PCDHA5: variants seen among roughly 807,000 people sequenced by gnomAD.
The protein encoded by PCDHA5 is protocadherin alpha-5.
In PCDHA5, 43 loss-of-function variants were observed where a neutral mutation model predicts 61.6. The ratio of observed to expected loss-of-function variants is 0.70; its 90% CI spans 0.55 to 0.90. PCDHA5 has a LOEUF of 0.90. PCDHA5 is among the 40% of genes least tolerant of loss of function. The pLI is 0.00. For synonymous variants in PCDHA5, 627 were observed against 543.9 expected (o/e 1.15, Z -2.13); for missense variants, 1,298 against 1,222.7 (o/e 1.06, Z -0.92).
chr5:140,875,793 G>A (rs2055816565), intron 1 of PCDHA5: 1 of 1,614,100 alleles, frequency 6.2e-7, no homozygotes, highest in Non-Finnish European at 8.5e-7. Flanking sequence ...TCCACCTGGA[G>A]GTGATCGTGG....
chr5:140,882,149 G>A (rs2058970957), intron 1 of PCDHA5: 2 of 1,501,900 alleles, frequency 1.3e-6, no homozygotes, highest in Middle Eastern at 4.3e-4. Flanking sequence ...ATAGCAGAAA[G>A]CGGAATACCT....
At chr5:140,923,362 T>C (rs1294539314) in intron 1 of PCDHA5, among the ~76,000 whole-genome samples, 1 of 152,136 alleles carries the variant, frequency 6.6e-6, no homozygotes, top group East Asian at 1.9e-4. Context: ...CCTATCTTTA[T>C]AAAATATTTT....
intron 1 of PCDHA5, among the ~76,000 whole-genome samples, chr5:140,972,152 A>T (rs1481801555): frequency 6.6e-6 from 1 of 151,770 alleles, no homozygotes; most frequent in African/African-American, 2.4e-5. Context: ...TTTTATTTTT[A>T]TTTTTTTGAG....
At chr5:140,882,558 G>C (rs782792864) in intron 1 of PCDHA5, 3 of 1,614,130 alleles carry the variant, frequency 1.9e-6, no homozygotes, top group African/African-American at 1.3e-5. Flanking sequence ...GAGCTGTGTG[G>C]GCGGAGCGCG....
intron 3 of PCDHA5, among the ~76,000 whole-genome samples, chr5:141,005,519 C>T (rs1374058521): frequency 1.3e-5 from 2 of 151,140 alleles, no homozygotes; most frequent in Middle Eastern, 3.2e-3. Context: ...CTGGCTAACA[C>T]GGTGAAACCC....
At chr5:140,854,631 G>T (rs373536386) in intron 1 of PCDHA5, 1 of 149,874 alleles carries the variant, frequency 6.7e-6, no homozygotes, top group African/African-American at 2.4e-5. Context: ...CTTTAGAAAA[G>T]TCAAAACATC....
rs2150128153 is a variant in PCDHA5 at position 140,823,675 on chromosome 5, C to G, written c.1900C>G (p.Arg634Gly). Residue 634 changes from arginine (R) to glycine (G), a missense_variant, in exon 1 of 4, where the codon CGC becomes GGC. Transcript: ENST00000529859. The stretch of plus-strand genomic sequence containing the variant: ...GTACACAGGCGAGATCAGCACAACA[C>G]GCTCTCTGGATGAGACCGAAGCACC... ...GLYTGEISTT[R>G]SLDETEAPRH... 3.1e-6 allele frequency: 5 copies of G among 1,614,056 alleles called. No homozygotes were observed. The highest frequency in any genetic ancestry group is 4.2e-6 in the Non-Finnish European group (5 of 1,179,958).
chr5:140,939,090 A>C (rs1563171940), intron 1 of PCDHA5, among the ~76,000 whole-genome samples: 1 of 152,192 alleles, frequency 6.6e-6, no homozygotes, highest in Non-Finnish European at 1.5e-5. Flanking sequence ...GGGTGGCTTA[A>C]AAACAATAGA....
chr5:140,849,946 C>T (rs2041246534), intron 1 of PCDHA5: 5 of 1,597,770 alleles, frequency 3.1e-6, no homozygotes, highest in East Asian at 2.2e-5. Flanking sequence ...GACGCTGACG[C>T]GCAGGAGAAC....
At chr5:140,845,692 G>A (rs1440776749) in intron 1 of PCDHA5, among the ~76,000 whole-genome samples, 1 of 149,364 alleles carries the variant, frequency 6.7e-6, no homozygotes, top group Non-Finnish European at 1.5e-5. Flanking sequence ...TTGTTATTCA[G>A]TTCCTTGGCA....
chr5:140,907,563 A>G (rs1554193054), intron 1 of PCDHA5, among the ~76,000 whole-genome samples: 1 of 152,160 alleles, frequency 6.6e-6, no homozygotes, highest in Admixed American at 6.5e-5. Context: ...AATATAATCA[A>G]CTTGCCACCA....
At chr5:140,920,794 A>G (rs1433275588) in intron 1 of PCDHA5, among the ~76,000 whole-genome samples, 2 of 151,776 alleles carry the variant, frequency 1.3e-5, no homozygotes, top group Admixed American at 6.6e-5. Flanking sequence ...CAGGGAACCA[A>G]GATCACGCCA....
At chr5:140,853,805 C>A in intron 1 of PCDHA5, 1 of 986,730 alleles carries the variant, frequency 1.0e-6, no homozygotes, top group Non-Finnish European at 1.2e-6. Flanking sequence ...TTTTAAAGCA[C>A]ACCTGAGATG....
At chr5:140,927,639 G>T in intron 1 of PCDHA5, 11 of 1,614,194 alleles carry the variant, frequency 6.8e-6, no homozygotes, top group Non-Finnish European at 9.3e-6. Flanking sequence ...CACCCAATGG[G>T]ACTGTGTTAT....
chr5:140,851,156 T>C (rs1174677153), intron 1 of PCDHA5: 2 of 1,302,318 alleles, frequency 1.5e-6, no homozygotes, highest in South Asian at 2.6e-5. Context: ...GAATTTCTGA[T>C]GCTATGCTGC....
intron 1 of PCDHA5, among the ~76,000 whole-genome samples, chr5:140,832,258 A>G (rs2150200533): frequency 6.6e-6 from 1 of 152,304 alleles, no homozygotes; most frequent in African/African-American, 2.4e-5. Context: ...TGTTCCCAGG[A>G]AATATTAGAC....
Position 140,884,585 on chromosome 5 carries a change from A to G in PCDHA5, c.2352+60458A>G, listed in dbSNP as rs2060279044. 1.9e-6 allele frequency: 3 copies of G among 1,614,072 alleles called. No individual in the cohort carries two copies. The South Asian group carries it at 3.3e-5, about 18-fold the overall frequency. On this transcript the variant is annotated intron_variant, in intron 1 of 3. Coordinates refer to ENST00000529859, the MANE Select transcript of PCDHA5 (RefSeq NM_018908.3). ...GCATAAGACGGACCTCATGGCCTTC[A>G]GTCCCAGCCTTCCTCCTTGTCTGGG...
chr5:140,966,951 C>G lies in PCDHA5; in HGVS notation c.2353-11998C>G, dbSNP rs781885198. 3.1e-5 allele frequency: 50 copies of G among 1,603,624 alleles called. No individual in the cohort carries two copies. The highest frequency in any genetic ancestry group is 4.2e-5 in the Non-Finnish European group (50 of 1,178,520). The stretch of plus-strand genomic sequence containing the variant: ...CCCGGCGCGCTCGTGGGCAACGTGG[C>G]TCGCGCGCTGGGGCTTGAGCTGCGG... On this transcript the variant is annotated intron_variant, in intron 1 of 3. Coordinates refer to ENST00000529859, the MANE Select transcript of PCDHA5 (RefSeq NM_018908.3).
chr5:140,897,781 T>G (rs1437567567), intron 1 of PCDHA5, among the ~76,000 whole-genome samples: 1 of 152,172 alleles, frequency 6.6e-6, no homozygotes, highest in East Asian at 1.9e-4. Flanking sequence ...TCCACAATGG[T>G]TGAACTAGTT....
Sources: gnomAD v4.1 joint callset for allele counts (sites outside exome capture counted in the v4.1 genomes callset) on GRCh38, gnomAD v4.1.1 for gene constraint, MANE v1.5 for transcripts, NCBI Gene and HGNC (gene_info 2026-07-23, HGNC 2026-07-21) for gene names.